Variants in SATL1 observed in about 807,000 individuals in gnomAD.
SATL1 encodes the protein spermidine/spermine N1-acetyl transferase like 1.
SATL1 carries 47 observed loss-of-function variants against 51.8 expected under a neutral mutation model. That is an observed-to-expected ratio of 0.91 (90% CI 0.72 to 1.16). The LOEUF (loss-of-function observed/expected upper bound fraction) is 1.16, where lower values mean the gene tolerates loss of function less well. Ranked by LOEUF, SATL1 falls within the 50% of genes most tolerant of loss-of-function variation. SATL1 has a pLI of 0.00. For synonymous variants in SATL1, 176 were observed against 182.4 expected (o/e 0.97, Z 0.28); for missense variants, 520 against 526.4 (o/e 0.99, Z 0.12).
At position 85,188,403 on chromosome X, in the gene SATL1, A is replaced by G. The variant is rs535674751; in HGVS notation, c.-313+35802T>C. ...TGTTAAGTTATGGTAAGAAGTAAAAATAAACCTATAAAAGGAAATCTCTAG... is the reference window on the plus strand; with the variant it reads ...TGTTAAGTTATGGTAAGAAGTAAAAGTAAACCTATAAAAGGAAATCTCTAG... On this transcript the variant is annotated intron_variant, in intron 2 of 7. Coordinates refer to ENST00000644105, the MANE Select transcript of SATL1 (RefSeq NM_001367857.2). Among the ~76,000 whole-genome samples, 56 of 111,799 alleles carry G rather than the reference A, an allele frequency of 5.0e-4. 1 individual carries two copies. In the South Asian group the frequency reaches 0.021, roughly 41 times the overall value.
chrX:85,166,115 A>G (rs1417882050), intron 2 of SATL1, among the ~76,000 whole-genome samples: 2 of 111,672 alleles, frequency 1.8e-5, no homozygotes, highest in East Asian at 5.6e-4. Context: ...TCACCTTGTT[A>G]AAAAATCAAC....
At chrX:85,097,504 A>AT (rs891541105) in intron 4 of SATL1, among the ~76,000 whole-genome samples, 4 of 111,007 alleles carry the variant, frequency 3.6e-5, no homozygotes, top group African/African-American at 9.9e-5. Context: ...TGCCCAGCTA[A>AT]TTTTTTAAGG....
intron 1 of SATL1, among the ~76,000 whole-genome samples, chrX:85,225,019 C>T (rs1928249314): frequency 9.0e-6 from 1 of 110,821 alleles, no homozygotes; most frequent in Non-Finnish European, 1.9e-5. Context: ...AAAGACAATC[C>T]CCAAAGGTTC....
At chrX:85,148,358 C>T (rs184907501) in intron 2 of SATL1, among the ~76,000 whole-genome samples, 6 of 109,355 alleles carry the variant, frequency 5.5e-5, no homozygotes, top group East Asian at 2.9e-4. Flanking sequence ...CTGAAAGTGA[C>T]GGGGAGAATG....
intron 2 of SATL1, among the ~76,000 whole-genome samples, chrX:85,200,632 T>G (rs766579582): frequency 9.0e-6 from 1 of 111,520 alleles, no homozygotes; most frequent in East Asian, 2.8e-4. Flanking sequence ...CCCAGTCTTA[T>G]TCCACTAAAT....
At chrX:85,105,302 A>G (rs906358091) in intron 3 of SATL1, among the ~76,000 whole-genome samples, 4 of 111,158 alleles carry the variant, frequency 3.6e-5, no homozygotes, top group African/African-American at 1.3e-4. Context: ...AGGGAGGACA[A>G]TATTTATGTC....
chrX:85,150,806 G>T (rs1602871601), intron 2 of SATL1, among the ~76,000 whole-genome samples: 5 of 108,229 alleles, frequency 4.6e-5, no homozygotes, highest in Admixed American at 4.1e-4. Flanking sequence ...GGTATTGATG[G>T]GACGTATCTC....
chrX:85,162,563 T>C (rs1448886708), intron 2 of SATL1, among the ~76,000 whole-genome samples: 1 of 111,454 alleles, frequency 9.0e-6, no homozygotes, highest in Non-Finnish European at 1.9e-5. Context: ...TGGCTAGGAC[T>C]TTCAAGTACT....
chrX:85,166,941 A>ATGTGTGTGTG (rs60077558), intron 2 of SATL1, among the ~76,000 whole-genome samples: 1 of 77,594 alleles, frequency 1.3e-5, no homozygotes, highest in Non-Finnish European at 2.6e-5. Flanking sequence ...ATATATGTGT[A>ATGTGTGTGTG]TGTGTGTGTG....
chrX:85,178,823 T>C (rs1927140576), intron 2 of SATL1, among the ~76,000 whole-genome samples: 1 of 111,497 alleles, frequency 9.0e-6, no homozygotes, highest in African/African-American at 3.3e-5. Flanking sequence ...ATAGTTCTCA[T>C]TATTCTATCT....
chrX:85,223,323 C>T (rs768249193), intron 2 of SATL1, among the ~76,000 whole-genome samples: 3 of 111,295 alleles, frequency 2.7e-5, no homozygotes, highest in East Asian at 2.8e-4. Context: ...GGGTAAGTGC[C>T]TGGCTGCGAA....
chrX:85,227,855 G>T (rs1024198719), intron 1 of SATL1, among the ~76,000 whole-genome samples: 7 of 111,288 alleles, frequency 6.3e-5, no homozygotes, highest in African/African-American at 2.3e-4. Flanking sequence ...ATAATATTAA[G>T]GAATTATTGT....
chrX:85,163,597 C>T (rs1423979519), intron 2 of SATL1, among the ~76,000 whole-genome samples: 1 of 111,232 alleles, frequency 9.0e-6, no homozygotes, highest in Non-Finnish European at 1.9e-5. Flanking sequence ...AGTTAACTTC[C>T]AATTTTGTCC....
chrX:85,112,334 A>C (rs1374160533), intron 2 of SATL1, among the ~76,000 whole-genome samples: 2 of 63,140 alleles, frequency 3.2e-5, no homozygotes, highest in Non-Finnish European at 7.3e-5. Context: ...CCTGGGTAAC[A>C]GAATCAGACT....
rs752897702 is a variant in SATL1 at position 85,108,312 on chromosome X, G to C, written c.657C>G (p.Ser219Arg). ...TGCCTGGTTGGCTGGGGACTTGCTG[G>C]CTCATGCCTGGTTGACTCATGTCTG... ...SHPDMSQPGM[S>R]QQVPSQPGIR... Residue 219 changes from serine (S) to arginine (R), a missense_variant, in exon 3 of 8, where the codon AGC becomes AGG. Ser to Arg is a moderately radical substitution (Grantham distance 110). Coordinates refer to ENST00000644105, the MANE Select transcript of SATL1 (RefSeq NM_001367857.2). 2 of 1,209,095 alleles carry C rather than the reference G, an allele frequency of 1.7e-6. No homozygotes were observed. Among genetic ancestry groups the C allele is most frequent in the Admixed American group, 4.4e-5 (2 of 45,659 alleles).
At chrX:85,190,334 T>C (rs1484118200) in intron 2 of SATL1, among the ~76,000 whole-genome samples, 1 of 112,169 alleles carries the variant, frequency 8.9e-6, no homozygotes, top group Non-Finnish European at 1.9e-5. Flanking sequence ...GTAATAGTGC[T>C]AGAATCTCAT....
intron 2 of SATL1, among the ~76,000 whole-genome samples, chrX:85,192,223 G>C (rs865826326): frequency 5.4e-5 from 6 of 111,495 alleles, no homozygotes; most frequent in African/African-American, 2.0e-4. Flanking sequence ...CATTCTCCAT[G>C]GTGGATCCAG....
chrX:85,125,526 G>GTGTGTT (rs1375750316), intron 2 of SATL1, among the ~76,000 whole-genome samples: 2 of 107,484 alleles, frequency 1.9e-5, no homozygotes, highest in Non-Finnish European at 3.9e-5. Context: ...GAAAGTGTGT[G>GTGTGTT]TGTGTGTGTG....
chrX:85,167,685 G>T (rs1926871936), intron 2 of SATL1, among the ~76,000 whole-genome samples: 1 of 110,713 alleles, frequency 9.0e-6, no homozygotes, highest in South Asian at 3.8e-4. Context: ...GGATCAGATG[G>T]ATTCACACCC....
Sources: gnomAD v4.1 joint callset for allele counts (sites outside exome capture counted in the v4.1 genomes callset) on GRCh38, gnomAD v4.1.1 for gene constraint, MANE v1.5 for transcripts, NCBI Gene and HGNC (gene_info 2026-07-23, HGNC 2026-07-21) for gene names.